Variants in OMA1 observed in about 807,000 individuals in gnomAD.
OMA1 encodes the protein OMA1 zinc metallopeptidase.
In OMA1, 38 loss-of-function variants were observed where a neutral mutation model predicts 30.9. The ratio of observed to expected loss-of-function variants is 1.23; its 90% CI spans 0.95 to 1.61. The LOEUF (loss-of-function observed/expected upper bound fraction) is 1.61, where lower values mean the gene tolerates loss of function less well. Among genes scored for constraint, OMA1 ranks in the 40% most tolerant of loss-of-function variants. OMA1 has a pLI of 0.00. For synonymous variants in OMA1, 173 were observed against 121.9 expected, an observed-to-expected ratio of 1.42 and a Z score of -2.76; for missense variants, 461 against 349.2, an observed-to-expected ratio of 1.32 and a Z score of -2.55.
Position 58,536,647 on chromosome 1 carries a change from A to G in OMA1, c.595T>C (p.Leu199=), listed in dbSNP as rs17117702. 7.6e-3 allele frequency: 6,628 copies of G among 872,864 alleles called. 279 individuals are homozygous for G. In the African/African-American group the frequency reaches 0.094, roughly 12 times the overall value. The allele number at this position is 872,864 out of a possible 1,614,324, so 54.1% of individuals were successfully genotyped here. A position where few individuals can be genotyped will look rare whatever the true frequency, so the allele number is the denominator to read the frequency against. ...RKNKWKLFLG[L]SSFGLLFVVF... ...ACAAAGAGCAATCCAAAACTACTCA[A>G]ACCAAGGAATAGCTTCCATTTATTC... Residue 199 remains leucine (L), a synonymous_variant, in exon 3 of 9, where the codon TTG becomes CTG. Coordinates refer to ENST00000371226, the MANE Select transcript of OMA1 (RefSeq NM_145243.5).
chr1:58,483,166 C>T (rs1408195957), intron 8 of OMA1, among the ~76,000 whole-genome samples: 1 of 152,086 alleles, frequency 6.6e-6, no homozygotes, highest in Admixed American at 6.5e-5. Context: ...TGCCATCTGC[C>T]CCCTCTCCCA....
chr1:58,536,459 C>G (rs963785812), intron 3 of OMA1, 54 bp downstream of exon 3: 1 of 759,784 alleles, frequency 1.3e-6, no homozygotes, highest in Non-Finnish European at 2.3e-6. Flanking sequence ...AGATACTTTC[C>G]TACTTTGAGT....
chr1:58,484,002 A>G (rs1645533066), intron 8 of OMA1, among the ~76,000 whole-genome samples: 1 of 152,214 alleles, frequency 6.6e-6, no homozygotes, highest in South Asian at 2.1e-4. Flanking sequence ...AGAGATGCAA[A>G]GCAACAAAGA....
intron 7 of OMA1, among the ~76,000 whole-genome samples, chr1:58,522,943 C>G (rs1264856228): frequency 6.6e-6 from 1 of 152,016 alleles, no homozygotes; most frequent in African/African-American, 2.4e-5. Context: ...AGAGGTAGAA[C>G]GGGAGACAGG....
intron 7 of OMA1, among the ~76,000 whole-genome samples, chr1:58,522,676 A>G (rs111867097): frequency 0.027 from 4,078 of 152,286 alleles, 176 homozygotes; most frequent in African/African-American, 0.092. Flanking sequence ...AAACCTAACT[A>G]CTAATAGCCT....
chr1:58,528,117 C>A (rs955862540), intron 6 of OMA1, among the ~76,000 whole-genome samples: 37 of 152,210 alleles, frequency 2.4e-4, no homozygotes, highest in African/African-American at 8.7e-4. Context: ...GTGACCATTA[C>A]AAATGACTTC....
At chr1:58,529,643 C>G (rs752669907) in intron 6 of OMA1, among the ~76,000 whole-genome samples, 1 of 152,178 alleles carries the variant, frequency 6.6e-6, no homozygotes, top group East Asian at 1.9e-4. Context: ...TTAACAGTGC[C>G]GCATTAAAAC....
Position 58,520,006 on chromosome 1 carries a change from C to T in OMA1, c.1215+7255G>A, listed in dbSNP as rs560095373. On this transcript the variant is annotated intron_variant, in intron 7 of 8. Transcript: ENST00000371226. ...GGACAGTCAGAGGTTAAGTGATTAGCCTATTGCATGTTCTCACTCATAAGG... is the reference window on the plus strand; with the variant it reads ...GGACAGTCAGAGGTTAAGTGATTAGTCTATTGCATGTTCTCACTCATAAGG... Among the ~76,000 whole-genome samples, 128 of 152,142 alleles carry T rather than the reference C, an allele frequency of 8.4e-4. 1 individual carries two copies. Among genetic ancestry groups the T allele is most frequent in the African/African-American group, 3.0e-3 (126 of 41,512 alleles).
chr1:58,497,123 T>C (rs535958670), intron 8 of OMA1, among the ~76,000 whole-genome samples: 4 of 152,294 alleles, frequency 2.6e-5, no homozygotes, highest in Non-Finnish European at 2.9e-5. Flanking sequence ...CAGGTATATA[T>C]AGAAACAAGT....
intron 2 of OMA1, 33 bp downstream of exon 2, chr1:58,538,760 AAT>A (rs1326618109): frequency 5.6e-6 from 4 of 716,836 alleles, no homozygotes; most frequent in African/African-American, 1.8e-5. Context: ...GCAAAAAGTT[AAT>A]ATAAAAGTTT....
intron 6 of OMA1, among the ~76,000 whole-genome samples, chr1:58,527,817 A>G (rs1051157907): frequency 3.3e-5 from 5 of 152,208 alleles, no homozygotes; most frequent in Admixed American, 2.0e-4. Flanking sequence ...AAATTATCTT[A>G]ATTTCCTTTT....
intron 1 of OMA1, among the ~76,000 whole-genome samples, chr1:58,539,536 T>C (rs953106728): frequency 9.7e-6 from 1 of 102,976 alleles, no homozygotes; most frequent in Non-Finnish European, 2.2e-5. Flanking sequence ...AAGCTTGAAT[T>C]TTTTTCATTT....
At chr1:58,502,674 C>T (rs972613301) in intron 8 of OMA1, among the ~76,000 whole-genome samples, 4 of 152,180 alleles carry the variant, frequency 2.6e-5, no homozygotes, top group African/African-American at 9.6e-5. Flanking sequence ...TGAGAAACTG[C>T]CTTCTTTCAT....
chr1:58,488,895 A>G (rs1645624407), intron 8 of OMA1, among the ~76,000 whole-genome samples: 1 of 152,214 alleles, frequency 6.6e-6, no homozygotes, highest in East Asian at 1.9e-4. Context: ...TTATGTACAG[A>G]TATTTTTGTC....
At chr1:58,532,174 C>T (rs972937919) in intron 5 of OMA1, among the ~76,000 whole-genome samples, 3 of 152,044 alleles carry the variant, frequency 2.0e-5, no homozygotes, top group African/African-American at 7.2e-5. Flanking sequence ...AACATAAACG[C>T]CTAGATAAAA....
intron 7 of OMA1, among the ~76,000 whole-genome samples, chr1:58,517,909 G>A (rs756992148): frequency 2.5e-4 from 38 of 151,676 alleles, no homozygotes; most frequent in African/African-American, 8.0e-4. Context: ...GTATCAGGCC[G>A]GGCACAGTGG....
At chr1:58,489,148 G>A (rs904474371) in intron 8 of OMA1, among the ~76,000 whole-genome samples, 3 of 152,208 alleles carry the variant, frequency 2.0e-5, no homozygotes, top group Non-Finnish European at 4.4e-5. Flanking sequence ...GCAAGGCATC[G>A]TGTCACCCGG....
In OMA1 at chr1:58,480,760, T is replaced by A; in HGVS notation, c.*205A>T. On this transcript the variant is annotated 3_prime_UTR_variant, in exon 9 of 9. Transcript: ENST00000371226. The stretch of plus-strand genomic sequence containing the variant: ...AATTTATTCTGTGACATTTTCCTCA[T>A]TGAAGATATTTTAACATAGATTAAA... 1 of 411,254 alleles carries A rather than the reference T, an allele frequency of 2.4e-6. No individual in the cohort carries two copies. The highest frequency in any genetic ancestry group is 4.5e-5 in the South Asian group (1 of 22,314). 25.5% of individuals were successfully genotyped at this position (411,254 alleles called of 1,614,324 possible).
chr1:58,490,055 A>G (rs1018335141), intron 8 of OMA1, among the ~76,000 whole-genome samples: 6 of 152,242 alleles, frequency 3.9e-5, no homozygotes, highest in Non-Finnish European at 8.8e-5. Flanking sequence ...CCAAAGGAAC[A>G]CAGCTCGTCA....
Sources: gnomAD v4.1 joint callset for allele counts (sites outside exome capture counted in the v4.1 genomes callset) on GRCh38, gnomAD v4.1.1 for gene constraint, MANE v1.5 for transcripts, NCBI Gene and HGNC (gene_info 2026-07-23, HGNC 2026-07-21) for gene names.